MYOCD: variants seen among roughly 807,000 people sequenced by gnomAD.
MYOCD encodes myocardin.
Under a neutral mutation model 96.1 loss-of-function variants are expected in MYOCD, and 32 were observed. The ratio of observed to expected loss-of-function variants is 0.33; its 90% CI spans 0.25 to 0.45. The LOEUF (loss-of-function observed/expected upper bound fraction) is 0.45, where lower values mean the gene tolerates loss of function less well. Ranked by LOEUF, MYOCD falls within the 20% of genes least tolerant of loss-of-function variation. MYOCD has a pLI of 1.00. For synonymous variants in MYOCD, 469 were observed against 469.0 expected (o/e 1.00, Z 0.00); for missense variants, 1,133 against 1,200.6 (o/e 0.94, Z 0.83).
At position 12,739,289 on chromosome 17, in the gene MYOCD, C is replaced by T; in HGVS notation, c.678C>T (p.Gly226=). The T allele has an allele frequency of 6.2e-7, 1 of 1,603,602 alleles. No homozygotes were observed. The highest frequency in any genetic ancestry group is 8.5e-7 in the Non-Finnish European group (1 of 1,175,228). Residue 226 remains glycine (G), a synonymous_variant, in exon 7 of 14, where the codon GGC becomes GGT. Coordinates refer to ENST00000425538, the MANE Select transcript of MYOCD (RefSeq NM_001146312.3). The stretch of plus-strand genomic sequence containing the variant: ...CAGATGCGGGGAAGCAGGGGCTTGG[C>T]CCCCCCAGCACCCCCATAGCCGTGC... The part of the protein sequence containing the change: ...HQSDAGKQGL[G]PPSTPIAVHA...
chr17:12,731,486 A>C (rs1311406355), intron 5 of MYOCD, among the ~76,000 whole-genome samples: 2 of 152,142 alleles, frequency 1.3e-5, no homozygotes, highest in Non-Finnish European at 2.9e-5. Flanking sequence ...GTTAAACTTG[A>C]GACAAACAGA....
In MYOCD at chr17:12,767,653, TG is replaced by T. The variant is rs2033377025; in HGVS notation, c.*4013del. The T allele has an allele frequency of 6.6e-6, 1 of 151,544 alleles. No homozygotes were observed. Among genetic ancestry groups the T allele is most frequent in the African/African-American group, 2.4e-5 (1 of 41,204 alleles). The allele number at this position is 151,544 out of a possible 1,614,324, so 9.4% of individuals were successfully genotyped here. On this transcript the variant is annotated 3_prime_UTR_variant, in exon 14 of 14. Transcript: ENST00000425538. ...TCATTTTTCCAAGAGGGGGTGGAGGTGGGGATCACTTTTTAGCTAAAAGCTA... is the reference window on the plus strand; with the variant it reads ...TCATTTTTCCAAGAGGGGGTGGAGGTGGGATCACTTTTTAGCTAAAAGCTA...
chr17:12,673,454 AT>A (rs1909821918), intron 1 of MYOCD, among the ~76,000 whole-genome samples: 2 of 152,134 alleles, frequency 1.3e-5, no homozygotes, highest in South Asian at 4.1e-4. Context: ...TAGCATAAAT[AT>A]TTTTCAAGCG....
rs1032200460 is a variant in MYOCD at position 12,745,991 on chromosome 17, T to C, written c.1044T>C (p.Pro348=). ...CACTGAGCAATACCCCCTTGTCTCC[T>C]GTCAAAAACAGTTTTTCTGGACAAA... The part of the protein sequence containing the change: ...STPLSNTPLS[P]VKNSFSGQTG... The change falls in exon 9 of 14, where the codon CCT becomes CCC. Residue 348 remains proline (P), a synonymous_variant. Coordinates refer to ENST00000425538, the MANE Select transcript of MYOCD (RefSeq NM_001146312.3). The C allele has an allele frequency of 6.2e-7, 1 of 1,614,248 alleles. No individual in the cohort carries two copies. Among genetic ancestry groups the C allele is most frequent in the South Asian group, 1.1e-5 (1 of 91,088 alleles).
chr17:12,715,416 C>T, intron 2 of MYOCD, 103 bp from the exon 3 acceptor site: 1 of 891,164 alleles, frequency 1.1e-6, no homozygotes, highest in Non-Finnish European at 1.7e-6. Context: ...AAGGCAATCA[C>T]CTCCCTACTG....
chr17:12,714,755 G>A (rs1024552164), intron 2 of MYOCD, among the ~76,000 whole-genome samples: 3 of 152,160 alleles, frequency 2.0e-5, no homozygotes, highest in Non-Finnish European at 4.4e-5. Context: ...TTCCATCCAG[G>A]TTGTTCACGG....
rs145266891 is a variant in MYOCD at position 12,736,088 on chromosome 17, A to G, written c.416-73A>G. ...GGTGTATTTTTAATAGAAATGACACATCGAAGCATTTCCAAAAATGCCCTT... is the reference window on the plus strand; with the variant it reads ...GGTGTATTTTTAATAGAAATGACACGTCGAAGCATTTCCAAAAATGCCCTT... On this transcript the variant is annotated intron_variant, in intron 5 of 13. Coordinates refer to ENST00000425538, the MANE Select transcript of MYOCD (RefSeq NM_001146312.3). 1,641 of 1,240,296 alleles carry G rather than the reference A, an allele frequency of 1.3e-3. 16 individuals carry two copies. In the East Asian group the frequency reaches 0.014, roughly 10 times the overall value. The allele number at this position is 1,240,296 out of a possible 1,614,324, so 76.8% of individuals were successfully genotyped here. A position where few individuals can be genotyped will look rare whatever the true frequency, so the allele number is the denominator to read the frequency against.
At chr17:12,688,995 GCACA>G (rs1431702784) in intron 1 of MYOCD, among the ~76,000 whole-genome samples, 1 of 152,104 alleles carries the variant, frequency 6.6e-6, no homozygotes, top group Non-Finnish European at 1.5e-5. Context: ...ACACCCATGT[GCACA>G]CACACAAACA....
rs1325168653 is a variant in MYOCD, at chr17:12,714,359, A to ACACACACACACACC, written c.122-1157_122-1156insACACACACACCCAC. Among the ~76,000 whole-genome samples, 3 of 149,928 alleles carry ACACACACACACACC rather than the reference A, an allele frequency of 2.0e-5. No homozygotes were observed. In the East Asian group the frequency reaches 5.8e-4, roughly 29 times the overall value. ...CACACACACACACACACACACACAC[A>ACACACACACACACC]CACCCCGATCTGGTCAGAAACCTAA... On this transcript the variant is annotated intron_variant, in intron 2 of 13. Transcript: ENST00000425538.
At position 12,717,398 on chromosome 17, in the gene MYOCD, T is replaced by C; in HGVS notation, c.230T>C (p.Leu77Ser). The C allele has an allele frequency of 1.9e-6, 3 of 1,613,890 alleles. No homozygotes were observed. In the African/African-American group the frequency reaches 4.0e-5, roughly 22 times the overall value. Residue 77 changes from leucine to serine, a missense_variant, in exon 4 of 14, where the codon TTG becomes TCG. Transcript: ENST00000425538. ...AGAAACAGGTGCAACAGTGCCGACT[T>C]GGTTAATATGCACATACTCCAAGGT... ...KARNRCNSAD[L>S]VNMHILQAST...
rs897155601 is a variant in MYOCD, at chr17:12,739,124, A to G, written c.592-79A>G. ...AAGCTAGGATGAAAGCAGCAGAGGTATATATACGGACTCTAACATTTCTGT... is the reference window on the plus strand; with the variant it reads ...AAGCTAGGATGAAAGCAGCAGAGGTGTATATACGGACTCTAACATTTCTGT... On this transcript the variant is annotated intron_variant, in intron 6 of 13. Transcript: ENST00000425538. The G allele has an allele frequency of 4.0e-6, 6 of 1,482,230 alleles. No individual in the cohort carries two copies. In the African/African-American group the frequency reaches 5.6e-5, roughly 14 times the overall value. The allele number at this position is 1,482,230 out of a possible 1,614,324, so 91.8% of individuals were successfully genotyped here.
intron 1 of MYOCD, among the ~76,000 whole-genome samples, chr17:12,690,471 A>C (rs1204057298): frequency 1.3e-5 from 2 of 152,186 alleles, no homozygotes; most frequent in African/African-American, 2.4e-5. Flanking sequence ...GATTAAATAG[A>C]TATTGAAGCA....
Position 12,753,278 on chromosome 17 carries a change from T to C in MYOCD, c.1990T>C (p.Ser664Pro). 1 of 1,613,846 alleles carries C rather than the reference T, an allele frequency of 6.2e-7. No homozygotes were observed. The highest frequency in any genetic ancestry group is 8.5e-7 in the Non-Finnish European group (1 of 1,179,872). ...SPNNPHFLPS[S>P]SGAQGEGHRV... ...CAACAACCCTCACTTTCTGCCCTCA[T>C]CCTCCGGGGCCCAGGGAGAAGGGCA... is the stretch of plus-strand genomic sequence containing the variant. The change falls in exon 10 of 14, where the codon TCC (serine) becomes CCC (proline). Residue 664 changes from serine to proline, a missense_variant. Coordinates refer to ENST00000425538, the MANE Select transcript of MYOCD (RefSeq NM_001146312.3).
At chr17:12,692,721 A>G (rs866994672) in intron 1 of MYOCD, among the ~76,000 whole-genome samples, 69 of 152,104 alleles carry the variant, frequency 4.5e-4, no homozygotes, top group Admixed American at 5.9e-4. Flanking sequence ...TGAAACTCTA[A>G]GGAGACCTAT....
At chr17:12,746,207 T>A in intron 9 of MYOCD, 135 bp downstream of exon 9, 1 of 950,914 alleles carries the variant, frequency 1.1e-6, no homozygotes, top group Non-Finnish European at 1.5e-6. Context: ...CTGAAGGAGG[T>A]GACAGAATTT....
intron 10 of MYOCD, among the ~76,000 whole-genome samples, chr17:12,755,930 A>T (rs1250951367): frequency 6.6e-6 from 1 of 152,210 alleles, no homozygotes; most frequent in Non-Finnish European, 1.5e-5. Context: ...TGACTGATCT[A>T]TGCTTACAAC....
intron 7 of MYOCD, among the ~76,000 whole-genome samples, chr17:12,741,173 C>A (rs1264485264): frequency 4.6e-5 from 7 of 152,098 alleles, no homozygotes; most frequent in African/African-American, 1.7e-4. Flanking sequence ...GATATAGTAA[C>A]AGTTTTATGG....
intron 6 of MYOCD, among the ~76,000 whole-genome samples, chr17:12,737,624 T>G (rs2150705014): frequency 6.6e-6 from 1 of 152,304 alleles, no homozygotes; most frequent in East Asian, 1.9e-4. Context: ...AGAGAGCCCT[T>G]CAGACCCTCA....
chr17:12,666,979 T>C (rs1204674010), intron 1 of MYOCD, among the ~76,000 whole-genome samples: 1 of 152,194 alleles, frequency 6.6e-6, no homozygotes, highest in Non-Finnish European at 1.5e-5. Flanking sequence ...TCTCCACGTT[T>C]AGACAAAGCA....
Sources: gnomAD v4.1 joint callset for allele counts (sites outside exome capture counted in the v4.1 genomes callset) on GRCh38, gnomAD v4.1.1 for gene constraint, MANE v1.5 for transcripts, NCBI Gene and HGNC (gene_info 2026-07-23, HGNC 2026-07-21) for gene names.